Variants in ZBTB7C observed in about 807,000 individuals in gnomAD.
ZBTB7C encodes zinc finger and BTB domain containing 7C.
Under a neutral mutation model 25.7 loss-of-function variants are expected in ZBTB7C, and 8 were observed. That is an observed-to-expected ratio of 0.31 (90% CI 0.18 to 0.56). ZBTB7C has a LOEUF of 0.56. Among genes scored for constraint, ZBTB7C ranks in the 20% least tolerant of loss-of-function variants. The pLI is 0.91. For missense variants in ZBTB7C, 824 were observed against 855.2 expected (o/e 0.96, Z 0.46); for synonymous variants, 394 against 369.0 (o/e 1.07, Z -0.78).
intron 3 of ZBTB7C, among the ~76,000 whole-genome samples, chr18:48,128,200 C>T (rs752441718): frequency 5.9e-5 from 9 of 152,210 alleles, no homozygotes; most frequent in African/African-American, 9.6e-5. Context: ...GACTGCTCCC[C>T]GCAAGGTGCC....
At chr18:48,379,709 G>C (rs993404605) in intron 1 of ZBTB7C, among the ~76,000 whole-genome samples, 1 of 152,096 alleles carries the variant, frequency 6.6e-6, no homozygotes, top group African/African-American at 2.4e-5. Context: ...AAGAGAATAT[G>C]ATGTGCAATA....
At chr18:48,264,154 C>T (rs758111515) in intron 2 of ZBTB7C, among the ~76,000 whole-genome samples, 30 of 152,280 alleles carry the variant, frequency 2.0e-4, no homozygotes, top group Non-Finnish European at 3.2e-4. Context: ...ACCTCCAGTG[C>T]GTGGGTGACA....
intron 1 of ZBTB7C, among the ~76,000 whole-genome samples, chr18:48,371,098 G>C (rs1233646045): frequency 6.6e-6 from 1 of 152,050 alleles, no homozygotes; most frequent in Non-Finnish European, 1.5e-5. Flanking sequence ...TGGAGAGAGA[G>C]TACCTAGCTT....
chr18:48,352,652 G>T (rs1184430514), intron 1 of ZBTB7C, among the ~76,000 whole-genome samples: 1 of 152,176 alleles, frequency 6.6e-6, no homozygotes, highest in Non-Finnish European at 1.5e-5. Context: ...CAGCCTGGGG[G>T]CACTGGGTCC....
chr18:48,198,205 T>A lies in ZBTB7C; in HGVS notation c.-78-12210A>T, dbSNP rs147156906. ...CCTAGACAGTTCAGCAAGTTAGAAA[T>A]CTGTCCATTCCATTTTCATTTTTTC... On this transcript the variant is annotated intron_variant, in intron 2 of 4. Coordinates refer to ENST00000590800, the MANE Select transcript of ZBTB7C (RefSeq NM_001318841.2). 9.2e-4 allele frequency among the ~76,000 whole-genome samples: 140 copies of A among 152,316 alleles called. No homozygotes were observed. In the East Asian group the frequency reaches 0.02, roughly 22 times the overall value.
chr18:48,225,359 G>A (rs576673056), intron 2 of ZBTB7C, among the ~76,000 whole-genome samples: 1 of 152,044 alleles, frequency 6.6e-6, no homozygotes, highest in South Asian at 2.1e-4. Context: ...TAAAGAAAGA[G>A]GAAAGGGAGA....
intron 3 of ZBTB7C, among the ~76,000 whole-genome samples, chr18:48,099,081 C>CA (rs2038741879): frequency 1.3e-5 from 2 of 152,334 alleles, no homozygotes; most frequent in African/African-American, 4.8e-5. Context: ...TTCTCATTTG[C>CA]ATCCCCCAAA....
intron 3 of ZBTB7C, among the ~76,000 whole-genome samples, chr18:48,116,756 C>A (rs2039455326): frequency 6.6e-6 from 1 of 152,096 alleles, no homozygotes; most frequent in Non-Finnish European, 1.5e-5. Flanking sequence ...CCTCCAAGGC[C>A]CAGTTCAGGG....
chr18:48,197,056 A>C (rs2042334591), intron 2 of ZBTB7C, among the ~76,000 whole-genome samples: 1 of 152,196 alleles, frequency 6.6e-6, no homozygotes, highest in African/African-American at 2.4e-5. Flanking sequence ...AAATTCTGTC[A>C]CATAAGATGC....
At chr18:48,053,082 G>A (rs2144261246) in intron 3 of ZBTB7C, among the ~76,000 whole-genome samples, 1 of 152,292 alleles carries the variant, frequency 6.6e-6, no homozygotes, top group South Asian at 2.1e-4. Context: ...TCAAGGTGGG[G>A]TTATTATTTG....
At chr18:48,387,021 G>A (rs577236641) in intron 1 of ZBTB7C, among the ~76,000 whole-genome samples, 1 of 152,310 alleles carries the variant, frequency 6.6e-6, no homozygotes, top group South Asian at 2.1e-4. Flanking sequence ...GGAGTAGGAG[G>A]CATGTGTGGT....
At chr18:48,382,074 C>T (rs1338721644) in intron 1 of ZBTB7C, among the ~76,000 whole-genome samples, 1 of 152,172 alleles carries the variant, frequency 6.6e-6, no homozygotes, top group Non-Finnish European at 1.5e-5. Flanking sequence ...TTAATACATA[C>T]GTGCACTGTA....
At chr18:48,160,677 C>G (rs1449131320) in intron 3 of ZBTB7C, among the ~76,000 whole-genome samples, 2 of 152,180 alleles carry the variant, frequency 1.3e-5, no homozygotes, top group Non-Finnish European at 2.9e-5. Flanking sequence ...GCTCAGCAAC[C>G]TACCAATCTC....
chr18:48,047,906 G>A (rs1221333174), intron 3 of ZBTB7C, among the ~76,000 whole-genome samples: 1 of 152,180 alleles, frequency 6.6e-6, no homozygotes, highest in Non-Finnish European at 1.5e-5. Context: ...GGTATGGAGA[G>A]GGCAGGTAGC....
At chr18:48,341,698 A>C (rs930083876) in intron 1 of ZBTB7C, among the ~76,000 whole-genome samples, 9 of 152,212 alleles carry the variant, frequency 5.9e-5, no homozygotes, top group Non-Finnish European at 1.2e-4. Context: ...CCTACTATTC[A>C]AAGCCGGGAT....
At chr18:48,037,771 C>T (rs995700106) in intron 4 of ZBTB7C, among the ~76,000 whole-genome samples, 16 of 152,316 alleles carry the variant, frequency 1.1e-4, no homozygotes, top group African/African-American at 3.6e-4. Context: ...AGGGGGCAGG[C>T]ATGGGCAGTT....
intron 2 of ZBTB7C, among the ~76,000 whole-genome samples, chr18:48,211,070 C>A (rs1463168469): frequency 1.3e-5 from 2 of 152,050 alleles, no homozygotes; most frequent in Admixed American, 1.3e-4. Flanking sequence ...GACAAAGGAG[C>A]AAAGCCAGTG....
At chr18:48,204,812 G>A (rs1422579848) in intron 2 of ZBTB7C, among the ~76,000 whole-genome samples, 2 of 152,172 alleles carry the variant, frequency 1.3e-5, no homozygotes, top group Non-Finnish European at 2.9e-5. Context: ...CTATGCCAGA[G>A]GCTCCCATGG....
intron 2 of ZBTB7C, among the ~76,000 whole-genome samples, chr18:48,206,453 G>C (rs2042577883): frequency 1.3e-5 from 2 of 152,148 alleles, no homozygotes; most frequent in Non-Finnish European, 1.5e-5. Flanking sequence ...CCAGGAGTTA[G>C]AGACCAGTCT....
Sources: allele counts gnomAD v4.1 joint callset (sites outside exome capture counted in the v4.1 genomes callset), GRCh38; gene constraint gnomAD v4.1.1; transcripts MANE v1.5; gene names NCBI Gene and HGNC (gene_info 2026-07-23, HGNC 2026-07-21).